AEBP2: variants seen among roughly 807,000 people sequenced by gnomAD.
The protein encoded by AEBP2 is zinc finger protein AEBP2.
AEBP2 carries 10 observed loss-of-function variants against 50.8 expected under a neutral mutation model. The ratio of observed to expected loss-of-function variants is 0.20; its 90% CI spans 0.12 to 0.33. The LOEUF (loss-of-function observed/expected upper bound fraction) is 0.33. Among genes scored for constraint, AEBP2 ranks in the 10% least tolerant of loss-of-function variants. AEBP2 has a pLI of 1.00. For missense variants in AEBP2, 570 were observed against 688.0 expected, an observed-to-expected ratio of 0.83 and a Z score of 1.92; for synonymous variants, 296 against 261.3, an observed-to-expected ratio of 1.13 and a Z score of -1.28.
At chr12:19,472,263 A>G (rs951767176) in intron 2 of AEBP2, among the ~76,000 whole-genome samples, 1 of 152,142 alleles carries the variant, frequency 6.6e-6, no homozygotes, top group Non-Finnish European at 1.5e-5. Flanking sequence ...ACAGTCTTCA[A>G]AGTGTGACTC....
At chr12:19,496,358 T>C (rs1859806792) in intron 4 of AEBP2, among the ~76,000 whole-genome samples, 1 of 152,178 alleles carries the variant, frequency 6.6e-6, no homozygotes, top group Admixed American at 6.6e-5. Context: ...TCATCTGTTT[T>C]ATTGAGGAGA....
intron 5 of AEBP2, chr12:19,508,801 C>T (rs1949191606): frequency 5.5e-6 from 1 of 181,424 alleles, no homozygotes; most frequent in African/African-American, 2.3e-5. Flanking sequence ...AAATTAGAGA[C>T]TTTTCCTTCT....
In AEBP2 at chr12:19,521,261, C is replaced by G. The variant is rs528212368; in HGVS notation, c.*3144C>G. 3 of 152,118 alleles carry G rather than the reference C, an allele frequency of 2.0e-5. No individual in the cohort carries two copies. Among genetic ancestry groups the G allele is most frequent in the Admixed American group, 2.0e-4 (3 of 15,260 alleles). 9.4% of individuals were successfully genotyped at this position (152,118 alleles called of 1,614,324 possible). A position where few individuals can be genotyped will look rare whatever the true frequency, so the allele number is the denominator to read the frequency against. On this transcript the variant is annotated 3_prime_UTR_variant, in exon 8 of 8. Transcript: ENST00000266508. Reference sequence around the variant, plus strand: ...TGTTGATCTTGGTAATAAGCCAGTACATTAAATTTTAGTGAAAGCTGTTTC... The same window carrying G: ...TGTTGATCTTGGTAATAAGCCAGTAGATTAAATTTTAGTGAAAGCTGTTTC...
intron 1 of AEBP2, among the ~76,000 whole-genome samples, chr12:19,460,429 A>C (rs1318871077): frequency 1.3e-5 from 2 of 150,988 alleles, no homozygotes; most frequent in South Asian, 2.1e-4. Flanking sequence ...GCAACCTCCT[A>C]CTGCAACCTC....
At chr12:19,517,996 C>T (rs1247078752) in intron 7 of AEBP2, 91 bp from the exon 8 acceptor site, 1 of 1,171,686 alleles carries the variant, frequency 8.5e-7, no homozygotes, top group Non-Finnish European at 1.2e-6. Context: ...ATCACATTGC[C>T]TGTATCTTAT....
intron 1 of AEBP2, among the ~76,000 whole-genome samples, chr12:19,446,231 ATCTCC>A (rs1351446864): frequency 1.3e-5 from 2 of 152,236 alleles, no homozygotes; most frequent in Non-Finnish European, 2.9e-5. Context: ...ACATGACGGT[ATCTCC>A]TCAGATACTT....
chr12:19,460,440 C>T (rs1029434062), intron 1 of AEBP2, among the ~76,000 whole-genome samples: 1 of 152,048 alleles, frequency 6.6e-6, no homozygotes, highest in Non-Finnish European at 1.5e-5. Flanking sequence ...CTGCAACCTC[C>T]TCCTCCCAGG....
chr12:19,439,674 G>T lies in AEBP2; in HGVS notation c.-26G>T, dbSNP rs1310420811. 23 of 1,508,278 alleles carry T rather than the reference G, an allele frequency of 1.5e-5. No homozygotes were observed. The highest frequency in any genetic ancestry group is 1.9e-5 in the Non-Finnish European group (22 of 1,132,258). 93.4% of individuals were successfully genotyped at this position (1,508,278 alleles called of 1,614,324 possible). On this transcript the variant is annotated 5_prime_UTR_variant, in exon 1 of 8. Transcript: ENST00000266508. Reference sequence around the variant, plus strand: ...AGAGGGAGGCGGCGGTGGGGAGGAGGAGGAGGAGGAGGAGCAGGCGCCGCC... The same window carrying T: ...AGAGGGAGGCGGCGGTGGGGAGGAGTAGGAGGAGGAGGAGCAGGCGCCGCC...
chr12:19,455,955 T>TTC lies in AEBP2; in HGVS notation c.672-6555_672-6554insTC, dbSNP rs570406320. 4.6e-5 allele frequency among the ~76,000 whole-genome samples: 7 copies of TTC among 151,886 alleles called. No individual in the cohort carries two copies. In the East Asian group the frequency reaches 9.7e-4, roughly 21 times the overall value. On this transcript the variant is annotated intron_variant, in intron 1 of 7. Transcript: ENST00000266508. ...CTAGTCAAAGAGATCTTTTTTTTTT[T>TTC]CCTCATTAAACTTTTTTAGGGGCTC...
rs547078655 is a variant in AEBP2, at chr12:19,456,192, A to C, written c.672-6318A>C. ...GCCAATTGAAACAAACAGTTCTGAGACCATTCTTCCACCACTGATTAAGAC... is the reference window on the plus strand; with the variant it reads ...GCCAATTGAAACAAACAGTTCTGAGCCCATTCTTCCACCACTGATTAAGAC... On this transcript the variant is annotated intron_variant, in intron 1 of 7. Coordinates refer to ENST00000266508, the MANE Select transcript of AEBP2 (RefSeq NM_153207.5). 6 of 1,260,748 alleles carry C rather than the reference A, an allele frequency of 4.8e-6. No homozygotes were observed. The African/African-American group carries it at 8.8e-5, about 19-fold the overall frequency. The allele number at this position is 1,260,748 out of a possible 1,614,324, so 78.1% of individuals were successfully genotyped here. A position where few individuals can be genotyped will look rare whatever the true frequency, so the allele number is the denominator to read the frequency against.
intron 1 of AEBP2, among the ~76,000 whole-genome samples, chr12:19,420,028 T>G (rs1565696136): frequency 2.0e-5 from 3 of 150,152 alleles, no homozygotes; most frequent in South Asian, 2.1e-4. Flanking sequence ...ATAGTTTTTT[T>G]TTTTTTTTTT....
chr12:19,466,228 C>T (rs1414380699), intron 2 of AEBP2, among the ~76,000 whole-genome samples: 1 of 151,996 alleles, frequency 6.6e-6, no homozygotes, highest in Non-Finnish European at 1.5e-5. Context: ...CTTTGGAAAG[C>T]TGAGGTTGGT....
Position 19,518,215 on chromosome 12 carries a change from CTTCT to C in AEBP2, c.*101_*104del. The C allele has an allele frequency of 2.4e-6, 3 of 1,273,506 alleles. No homozygotes were observed. Among genetic ancestry groups the C allele is most frequent in the South Asian group, 2.4e-5 (1 of 41,730 alleles). 78.9% of individuals were successfully genotyped at this position (1,273,506 alleles called of 1,614,324 possible). A position where few individuals can be genotyped will look rare whatever the true frequency, so the allele number is the denominator to read the frequency against. On this transcript the variant is annotated 3_prime_UTR_variant, in exon 8 of 8. Coordinates refer to ENST00000266508, the MANE Select transcript of AEBP2 (RefSeq NM_153207.5). ...GAAAGTTGCACATTAGAGTCAACCC[CTTCT>C]TTTTTTTTTTTTTTTTTTTAAATCC...
At chr12:19,440,665 A>G (rs752713568) in intron 1 of AEBP2, 71 of 1,531,934 alleles carry the variant, frequency 4.6e-5, no homozygotes, top group Non-Finnish European at 5.9e-5. Flanking sequence ...ACAGTCCCCA[A>G]ACGGGCCCAG....
chr12:19,464,697 CT>C (rs1948440862), intron 2 of AEBP2, among the ~76,000 whole-genome samples: 1 of 151,732 alleles, frequency 6.6e-6, no homozygotes, highest in Non-Finnish European at 1.5e-5. Context: ...GGTGATTCTC[CT>C]GCCTCACCCT....
chr12:19,409,223 C>T (rs907530940), intron 1 of AEBP2, among the ~76,000 whole-genome samples: 1 of 152,096 alleles, frequency 6.6e-6, no homozygotes. Flanking sequence ...GTTAGTGTTG[C>T]CCTGAGAGGT....
intron 5 of AEBP2, among the ~76,000 whole-genome samples, chr12:19,508,062 G>C (rs1323428351): frequency 1.3e-5 from 2 of 152,108 alleles, no homozygotes; most frequent in African/African-American, 4.8e-5. Context: ...TTGGCTTGCT[G>C]TGCTTGGTTG....
At chr12:19,435,596 T>C (rs116167894), upstream of AEBP2, among the ~76,000 whole-genome samples, 613 of 152,272 alleles carry the variant, frequency 4.0e-3, 6 homozygotes, top group African/African-American at 0.014. Flanking sequence ...ATTTTTAGCT[T>C]TCTTGCCATG....
At chr12:19,406,870 T>C (rs1008658731) in intron 1 of AEBP2, among the ~76,000 whole-genome samples, 1 of 152,180 alleles carries the variant, frequency 6.6e-6, no homozygotes, top group Non-Finnish European at 1.5e-5. Context: ...TGAACTAATT[T>C]TTGTGAAGGA....
Sources: allele counts gnomAD v4.1 joint callset (sites outside exome capture counted in the v4.1 genomes callset), GRCh38; gene constraint gnomAD v4.1.1; transcripts MANE v1.5; gene names NCBI Gene and HGNC (gene_info 2026-07-23, HGNC 2026-07-21).